Variants in RDH16 observed in about 807,000 individuals in gnomAD.
The protein encoded by RDH16 is human epidermal retinol dehydrogenase.
Under a neutral mutation model 22.3 loss-of-function variants are expected in RDH16, and 25 were observed. The ratio of observed to expected loss-of-function variants is 1.12; its 90% CI spans 0.82 to 1.56. RDH16 has a LOEUF of 1.56. Among genes scored for constraint, RDH16 ranks in the 40% most tolerant of loss-of-function variants. The pLI is 0.00. For synonymous variants in RDH16, 154 were observed against 164.4 expected, an observed-to-expected ratio of 0.94 and a Z score of 0.48; for missense variants, 413 against 394.9, an observed-to-expected ratio of 1.05 and a Z score of -0.39.
intron 1 of RDH16, among the ~76,000 whole-genome samples, chr12:56,955,423 A>G (rs1365127609): frequency 6.6e-6 from 1 of 152,190 alleles, no homozygotes; most frequent in Admixed American, 6.5e-5. Context: ...TATTACCCCT[A>G]TTTAAGGACT....
Position 56,954,944 on chromosome 12 carries a change from G to A in RDH16, c.534C>T (p.Ile178=). 6.2e-7 allele frequency: 1 copy of A among 1,614,200 alleles called. No individual in the cohort carries two copies. The highest frequency in any genetic ancestry group is 8.5e-7 in the Non-Finnish European group (1 of 1,180,042). Residue 178 remains isoleucine (I), a synonymous_variant, in exon 2 of 4, where the codon ATC becomes ATT. Coordinates refer to ENST00000398138, the MANE Select transcript of RDH16 (RefSeq NM_003708.5). ...AGAAGGCTTCCACGCCATACTTGGA[G>A]ATGCAGTAGCCTCCACCAAAAAGTG... ...RVSLFGGGYC[I]SKYGVEAFSD...
At chr12:56,955,220 A>G in intron 1 of RDH16, 56 bp from the exon 2 acceptor site, 1 of 1,598,360 alleles carries the variant, frequency 6.3e-7, no homozygotes, top group Admixed American at 1.7e-5. Flanking sequence ...GCAGGTGGAC[A>G]GAGTTAGGGT....
Position 56,951,970 on chromosome 12 carries a change from G to T in RDH16, c.*59C>A. 8.7e-6 allele frequency: 13 copies of T among 1,490,758 alleles called. No homozygotes were observed. The highest frequency in any genetic ancestry group is 1.2e-5 in the Non-Finnish European group (13 of 1,072,798). The allele number at this position is 1,490,758 out of a possible 1,614,324, so 92.3% of individuals were successfully genotyped here. A position where few individuals can be genotyped will look rare whatever the true frequency, so the allele number is the denominator to read the frequency against. On this transcript the variant is annotated 3_prime_UTR_variant, in exon 4 of 4. Transcript: ENST00000398138. ...CCCTCCACTTTATATCTCTCCCAAG[G>T]ATACACCACCCCTCATAGCACACCC...
rs774244547 is a variant in RDH16 at position 56,952,893 on chromosome 12, G to T, written c.670C>A (p.Leu224Met). Residue 224 changes from leucine to methionine, a missense_variant, in exon 3 of 4, where the codon CTG becomes ATG. Transcript: ENST00000398138. The part of the protein sequence containing the change: ...TSKERFLKSF[L>M]EIWDRSSPEV... ...GGACTGGACCGGTCCCAAATCTCCAGGAAGCTCTTTAAGAATCTCTCCTTA... is the reference window on the plus strand; with the variant it reads ...GGACTGGACCGGTCCCAAATCTCCATGAAGCTCTTTAAGAATCTCTCCTTA... 1 of 1,614,020 alleles carries T rather than the reference G, an allele frequency of 6.2e-7. No individual in the cohort carries two copies. The highest frequency in any genetic ancestry group is 1.3e-5 in the African/African-American group (1 of 74,980).
chr12:56,955,381 T>C (rs1369435085), intron 1 of RDH16, among the ~76,000 whole-genome samples: 1 of 152,170 alleles, frequency 6.6e-6, no homozygotes, highest in Non-Finnish European at 1.5e-5. Context: ...TTACTCTTCA[T>C]GGACCAGCCT....
Position 56,955,130 on chromosome 12 carries a change from G to A in RDH16, c.348C>T (p.Ser116=). The A allele has an allele frequency of 6.2e-7, 1 of 1,614,136 alleles. No individual in the cohort carries two copies. The highest frequency in any genetic ancestry group is 8.5e-7 in the Non-Finnish European group (1 of 1,180,034). The part of the protein sequence containing the change: ...LWGLVNNAGI[S]LPTAPNELLT... Reference sequence around the variant, plus strand: ...GCAACTCATTGGGAGCCGTGGGCAAGGAGATGCCAGCATTATTCACCAGGC... The same window carrying A: ...GCAACTCATTGGGAGCCGTGGGCAAAGAGATGCCAGCATTATTCACCAGGC... Residue 116 remains serine (S), a synonymous_variant, in exon 2 of 4, where the codon TCC becomes TCT. Coordinates refer to ENST00000398138, the MANE Select transcript of RDH16 (RefSeq NM_003708.5).
chr12:56,957,340 G>A lies in RDH16; in HGVS notation c.123C>T (p.Phe41=), dbSNP rs745415401. ...YVFITGCDSG[F]GKLLARQLDA... Reference sequence around the variant, plus strand: ...CCAGCTGTCTGGCCAGCAGTTTCCCGAAGCCAGAGTCACAGCCCGTGATGA... The same window carrying A: ...CCAGCTGTCTGGCCAGCAGTTTCCCAAAGCCAGAGTCACAGCCCGTGATGA... The change falls in exon 1 of 4, where the codon TTC becomes TTT. Residue 41 remains phenylalanine, a synonymous_variant. Transcript: ENST00000398138. 37 of 1,614,012 alleles carry A rather than the reference G, an allele frequency of 2.3e-5. No individual in the cohort carries two copies. The highest frequency in any genetic ancestry group is 2.6e-5 in the Non-Finnish European group (31 of 1,180,028).
At chr12:56,956,204 T>C (rs1955927612) in intron 1 of RDH16, among the ~76,000 whole-genome samples, 1 of 151,926 alleles carries the variant, frequency 6.6e-6, no homozygotes, top group Non-Finnish European at 1.5e-5. Context: ...CGTTGGCAAA[T>C]AAAAGTCCAC....
rs749691862 is a variant in RDH16 at position 56,957,510 on chromosome 12, C to A, written c.-48G>T. The A allele has an allele frequency of 2.6e-6, 4 of 1,561,452 alleles. No homozygotes were observed. Among genetic ancestry groups the A allele is most frequent in the South Asian group, 1.2e-5 (1 of 82,650 alleles). ...GACAGGCTGTGGGGGAAACCAGAGT[C>A]TGGCCTCTGTTCAGACAGGAGGATT... On this transcript the variant is annotated 5_prime_UTR_variant, in exon 1 of 4. Transcript: ENST00000398138.
Position 56,957,359 on chromosome 12 carries a change from G to A in RDH16, c.104C>T (p.Thr35Met), listed in dbSNP as rs201949802. The change falls in exon 1 of 4, where the codon ACG becomes ATG. Residue 35 changes from threonine (T) to methionine (M), a missense_variant. Transcript: ENST00000398138. ...SHLRDKYVFI[T>M]GCDSGFGKLL... ...TTTCCCGAAGCCAGAGTCACAGCCC[G>A]TGATGAACACATACTTATCTCTCAG... 66 of 1,614,046 alleles carry A rather than the reference G, an allele frequency of 4.1e-5. No homozygotes were observed. The highest frequency in any genetic ancestry group is 5.2e-5 in the Non-Finnish European group (61 of 1,180,044).
At position 56,955,269 on chromosome 12, in the gene RDH16, G is replaced by A. The variant is rs532973315; in HGVS notation, c.314-105C>T. 9 of 1,360,154 alleles carry A rather than the reference G, an allele frequency of 6.6e-6. No individual in the cohort carries two copies. The East Asian group carries it at 2.2e-4, about 33-fold the overall frequency. 84.3% of individuals were successfully genotyped at this position (1,360,154 alleles called of 1,614,324 possible). On this transcript the variant is annotated intron_variant, in intron 1 of 3. Transcript: ENST00000398138. ...CAATAAAGTGAGGGCAGACTGACAG[G>A]TGTGGGATGGGGAGGAGGGTATAAC...
chr12:56,954,288 G>A (rs1236133905), intron 2 of RDH16, among the ~76,000 whole-genome samples: 1 of 152,214 alleles, frequency 6.6e-6, no homozygotes, highest in Non-Finnish European at 1.5e-5. Context: ...GGGAGGAGGG[G>A]TTGGGGTCCT....
chr12:56,955,228 G>A, intron 1 of RDH16, 64 bp from the exon 2 acceptor site: 2 of 1,584,132 alleles, frequency 1.3e-6, no homozygotes, highest in Non-Finnish European at 1.7e-6. Flanking sequence ...ACAGAGTTAG[G>A]GTGCAAATCA....
chr12:56,952,723 G>T, intron 3 of RDH16, 104 bp downstream of exon 3: 1 of 1,383,054 alleles, frequency 7.2e-7, no homozygotes, highest in Non-Finnish European at 9.8e-7. Context: ...TGTGGGGAAG[G>T]GAGAGCCTGG....
intron 1 of RDH16, 145 bp from the exon 2 acceptor site, chr12:56,955,309 C>T: frequency 1.0e-6 from 1 of 984,758 alleles, no homozygotes; most frequent in Non-Finnish European, 1.5e-6. Flanking sequence ...ACCACAGTAT[C>T]ACAGGGGTGG....
intron 1 of RDH16, among the ~76,000 whole-genome samples, chr12:56,956,029 C>T (rs67771054): frequency 0.22 from 33,166 of 152,032 alleles, 5,419 homozygotes; most frequent in African/African-American, 0.46. Flanking sequence ...GCACAGGGTC[C>T]CTTGAGTCCA....
intron 1 of RDH16, among the ~76,000 whole-genome samples, chr12:56,955,572 G>T (rs1955920970): frequency 6.6e-6 from 1 of 152,152 alleles, no homozygotes; most frequent in Non-Finnish European, 1.5e-5. Context: ...ACCTTATATA[G>T]TGATTGTCCA....
rs774739212 is a variant in RDH16, at chr12:56,955,103, G to T, written c.375C>A (p.Leu125=). ...GTATGGTCACGAAGTCCTGCTTGGT[G>T]AGCAACTCATTGGGAGCCGTGGGCA... ...ISLPTAPNEL[L]TKQDFVTILD... The change falls in exon 2 of 4, where the codon CTC becomes CTA. Residue 125 remains leucine, a synonymous_variant. Transcript: ENST00000398138. 2 of 1,614,002 alleles carry T rather than the reference G, an allele frequency of 1.2e-6. No individual in the cohort carries two copies. Among genetic ancestry groups the T allele is most frequent in the African/African-American group, 2.7e-5 (2 of 74,896 alleles).
Position 56,954,960 on chromosome 12 carries a change from C to T in RDH16, c.518G>A (p.Gly173Asp), listed in dbSNP as rs756909031. 1.1e-5 allele frequency: 17 copies of T among 1,614,070 alleles called. No homozygotes were observed. Among genetic ancestry groups the T allele is most frequent in the South Asian group, 3.3e-5 (3 of 91,082 alleles). Residue 173 changes from glycine (G) to aspartate (D), a missense_variant, in exon 2 of 4, where the codon GGT becomes GAT. Coordinates refer to ENST00000398138, the MANE Select transcript of RDH16 (RefSeq NM_003708.5). ...ATACTTGGAGATGCAGTAGCCTCCA[C>T]CAAAAAGTGACACCCGGCCCATGAC... ...SSVMGRVSLF[G>D]GGYCISKYGV...
Sources: allele counts gnomAD v4.1 joint callset (sites outside exome capture counted in the v4.1 genomes callset), GRCh38; gene constraint gnomAD v4.1.1; transcripts MANE v1.5; gene names NCBI Gene and HGNC (gene_info 2026-07-23, HGNC 2026-07-21).